Variants in ASIC2 observed in about 807,000 individuals in gnomAD.
ASIC2 encodes the protein acid sensing ion channel subunit 2.
ASIC2 carries 25 observed loss-of-function variants against 57.3 expected under a neutral mutation model. The ratio of observed to expected loss-of-function variants is 0.44; its 90% CI spans 0.32 to 0.61. The LOEUF (loss-of-function observed/expected upper bound fraction) is 0.61. Among genes scored for constraint, ASIC2 ranks in the 20% least tolerant of loss-of-function variants. ASIC2 has a pLI of 0.06. For synonymous variants in ASIC2, 319 were observed against 307.5 expected, an observed-to-expected ratio of 1.04 and a Z score of -0.39; for missense variants, 641 against 738.1, an observed-to-expected ratio of 0.87 and a Z score of 1.52.
chr17:33,076,318 G>A (rs2092088953), intron 3 of ASIC2, among the ~76,000 whole-genome samples: 1 of 152,232 alleles, frequency 6.6e-6, no homozygotes, highest in African/African-American at 2.4e-5. Flanking sequence ...AGTCCGGGTA[G>A]GAGGCTGTGC....
At chr17:33,131,523 A>G (rs1462770501) in intron 1 of ASIC2, 1 of 152,300 alleles carries the variant, frequency 6.6e-6, no homozygotes, top group Non-Finnish European at 1.5e-5. Context: ...CAGTCCACAC[A>G]GTGAATCCCA....
chr17:33,423,836 G>A (rs1911125218), intron 1 of ASIC2, among the ~76,000 whole-genome samples: 2 of 152,244 alleles, frequency 1.3e-5, no homozygotes, highest in Admixed American at 6.5e-5. Context: ...TGGAAAACCA[G>A]GCAGGGCAGG....
In ASIC2 at chr17:33,947,873, T is replaced by C. The variant is rs1904434413; in HGVS notation, c.555+208105A>G. On this transcript the variant is annotated intron_variant, in intron 1 of 9. Coordinates refer to the ASIC2 transcript ENST00000359872. ...TTACCAGTGTTAAATATTTTCAGTT[T>C]CTTATTGCTTTAAACATGAATTAAG... Among the ~76,000 whole-genome samples the C allele has an allele frequency of 2.6e-5, 4 of 152,374 alleles. No individual in the cohort carries two copies. The South Asian group carries it at 8.3e-4, about 32-fold the overall frequency.
intron 1 of ASIC2, among the ~76,000 whole-genome samples, chr17:33,324,797 G>A (rs1363300018): frequency 6.6e-6 from 1 of 152,102 alleles, no homozygotes; most frequent in Admixed American, 6.5e-5. Context: ...AAAAACCATG[G>A]GAAAGGAGAT....
intron 1 of ASIC2, among the ~76,000 whole-genome samples, chr17:33,541,060 G>T (rs1915393489): frequency 6.8e-6 from 1 of 146,806 alleles, no homozygotes; most frequent in East Asian, 2.0e-4. Flanking sequence ...TGGGCATGTT[G>T]TTTTTTTTTC....
At chr17:34,080,707 A>AG (rs1165294841) in intron 1 of ASIC2, among the ~76,000 whole-genome samples, 2 of 152,210 alleles carry the variant, frequency 1.3e-5, no homozygotes, top group Admixed American at 6.5e-5. Flanking sequence ...CGGGCACCTT[A>AG]GGTTCATTTA....
intron 1 of ASIC2, among the ~76,000 whole-genome samples, chr17:33,731,234 T>G (rs1202461367): frequency 1.3e-5 from 2 of 152,228 alleles, no homozygotes; most frequent in Non-Finnish European, 2.9e-5. Context: ...CACTTGTTGC[T>G]CCTTTGTCAG....
chr17:33,847,151 G>A (rs72816939), intron 1 of ASIC2, among the ~76,000 whole-genome samples: 23,598 of 150,984 alleles, frequency 0.16, 2,284 homozygotes, highest in South Asian at 0.23. Context: ...GAGACTTCTG[G>A]GAGGCATCTA....
intron 1 of ASIC2, among the ~76,000 whole-genome samples, chr17:33,964,300 C>T (rs1905013782): frequency 1.3e-5 from 2 of 152,194 alleles, no homozygotes; most frequent in African/African-American, 4.8e-5. Context: ...CAGGGCTCAC[C>T]CCTCTCCCCC....
At chr17:34,096,427 G>A (rs983029526) in intron 1 of ASIC2, among the ~76,000 whole-genome samples, 1 of 152,076 alleles carries the variant, frequency 6.6e-6, no homozygotes, top group Non-Finnish European at 1.5e-5. Flanking sequence ...AGGTGGGAGG[G>A]GCCAGATCAT....
intron 1 of ASIC2, among the ~76,000 whole-genome samples, chr17:33,396,750 A>G: frequency 6.6e-6 from 1 of 152,234 alleles, no homozygotes; most frequent in Non-Finnish European, 1.5e-5. Context: ...ACAGTCTTTC[A>G]TATAATCCTG....
chr17:33,722,326 G>A (rs772815994), intron 1 of ASIC2, among the ~76,000 whole-genome samples: 5 of 152,200 alleles, frequency 3.3e-5, no homozygotes, highest in Non-Finnish European at 5.9e-5. Context: ...GGAACTGTGA[G>A]TCAATTAAAC....
At chr17:33,119,553 C>T (rs1230199784) in intron 1 of ASIC2, among the ~76,000 whole-genome samples, 1 of 152,088 alleles carries the variant, frequency 6.6e-6, no homozygotes, top group African/African-American at 2.4e-5. Flanking sequence ...TAAATGAAGC[C>T]AGAGGGATTT....
chr17:33,017,641 G>C lies in ASIC2; in HGVS notation c.1485C>G (p.Ile495Met). 2 of 1,613,722 alleles carry C rather than the reference G, an allele frequency of 1.2e-6. No individual in the cohort carries two copies. The highest frequency in any genetic ancestry group is 1.7e-6 in the Non-Finnish European group (2 of 1,179,652). ...GQMGLFIGASILTILELFDYI... is the reference protein window; with the variant it reads ...GQMGLFIGASMLTILELFDYI... ...AATCAAAGAGCTCTAGTATTGTAAG[G>C]ATACTAGCACCAATGAACAATCCCA... is the stretch of plus-strand genomic sequence containing the variant. The change falls in exon 8 of 10, where the codon ATC becomes ATG. Residue 495 changes from isoleucine (I) to methionine (M), a missense_variant. Ile to Met is a conservative substitution (Grantham distance 10). Coordinates refer to ENST00000225823, the MANE Select transcript of ASIC2 (RefSeq NM_183377.2).
chr17:33,300,452 G>T (rs374217155), intron 1 of ASIC2, among the ~76,000 whole-genome samples: 1 of 152,078 alleles, frequency 6.6e-6, no homozygotes, highest in Non-Finnish European at 1.5e-5. Context: ...TGACAAGGTG[G>T]TACACAAGCT....
At chr17:33,017,891 G>A (rs1598235331) in intron 7 of ASIC2, among the ~76,000 whole-genome samples, 1 of 152,322 alleles carries the variant, frequency 6.6e-6, no homozygotes, top group East Asian at 1.9e-4. Context: ...GTGGGGTCGG[G>A]GACTAAGCTG....
chr17:33,883,480 T>C lies in ASIC2; in HGVS notation c.555+272498A>G, dbSNP rs979968038. On this transcript the variant is annotated intron_variant, in intron 1 of 9. Coordinates refer to the ASIC2 transcript ENST00000359872. The stretch of plus-strand genomic sequence containing the variant: ...CAAATGGATCTGTAGACTCATCAGA[T>C]ACAGAAAGACTCCATACTTCCCCCT... Among the ~76,000 whole-genome samples, 5 of 152,282 alleles carry C rather than the reference T, an allele frequency of 3.3e-5. No homozygotes were observed. In the East Asian group the frequency reaches 9.7e-4, roughly 29 times the overall value.
chr17:34,135,152 A>C (rs919302922), intron 1 of ASIC2, among the ~76,000 whole-genome samples: 2 of 152,254 alleles, frequency 1.3e-5, no homozygotes, highest in Non-Finnish European at 2.9e-5. Flanking sequence ...ATTCCAAAAC[A>C]GAACTTCACA....
chr17:33,039,619 G>A (rs1316053943), intron 3 of ASIC2, among the ~76,000 whole-genome samples: 2 of 152,190 alleles, frequency 1.3e-5, no homozygotes, highest in Non-Finnish European at 2.9e-5. Flanking sequence ...ACCCTTGGCT[G>A]ACATTTGCTC....
Sources: allele counts gnomAD v4.1 joint callset (sites outside exome capture counted in the v4.1 genomes callset), GRCh38; gene constraint gnomAD v4.1.1; transcripts MANE v1.5; gene names NCBI Gene and HGNC (gene_info 2026-07-23, HGNC 2026-07-21).